BEST3: variants seen among roughly 807,000 people sequenced by gnomAD.
BEST3 encodes bestrophin-3.
A neutral mutation model predicts 47.1 loss-of-function variants in BEST3; 50 were observed. The observed-to-expected ratio is 1.06, with a 90% CI of 0.85 to 1.34. The LOEUF is 1.34. BEST3 is among the 40% of genes most tolerant of loss of function. BEST3 has a pLI of 0.00. For missense variants in BEST3, 765 were observed against 817.0 expected (o/e 0.94, Z 0.78); for synonymous variants, 282 against 298.8 (o/e 0.94, Z 0.58).
intron 4 of BEST3, among the ~76,000 whole-genome samples, chr12:69,690,121 G>C (rs1885857886): frequency 6.6e-6 from 1 of 152,158 alleles, no homozygotes; most frequent in African/African-American, 2.4e-5. Context: ...TGGGACCCAG[G>C]AATATGCATT....
intron 4 of BEST3, chr12:69,689,382 A>G (rs1236138680): frequency 4.9e-6 from 2 of 404,102 alleles, no homozygotes; most frequent in Admixed American, 6.4e-5. Flanking sequence ...CTCCTGGCTT[A>G]GAGGATAGTG....
At chr12:69,655,901 G>T (rs1375012327) in intron 9 of BEST3, 88 bp from the exon 10 acceptor site, 4 of 1,492,808 alleles carry the variant, frequency 2.7e-6, no homozygotes, top group Admixed American at 2.3e-5. Flanking sequence ...GATGACTTTG[G>T]TATTTTTGCC....
At chr12:69,659,671 G>A (rs917857317) in intron 9 of BEST3, among the ~76,000 whole-genome samples, 11 of 151,472 alleles carry the variant, frequency 7.3e-5, no homozygotes, top group African/African-American at 1.9e-4. Context: ...GTTTGAAAGA[G>A]TATTTCCCAA....
intron 9 of BEST3, among the ~76,000 whole-genome samples, chr12:69,658,568 CA>C (rs758812732): frequency 6.6e-6 from 1 of 152,192 alleles, no homozygotes; most frequent in Non-Finnish European, 1.5e-5. Context: ...GAGCACTTAT[CA>C]TAAACAATTT....
chr12:69,646,915 C>T (rs1167095751), intron 9 of BEST3, among the ~76,000 whole-genome samples: 3 of 149,192 alleles, frequency 2.0e-5, no homozygotes, highest in African/African-American at 7.3e-5. Flanking sequence ...CCGCCACTTC[C>T]AGAAAGTTTT....
chr12:69,655,962 G>T, intron 9 of BEST3, 149 bp from the exon 10 acceptor site: 1 of 1,256,668 alleles, frequency 8.0e-7, no homozygotes, highest in South Asian at 1.7e-5. Context: ...TCTAGCAGAG[G>T]CTCACACACT....
intron 9 of BEST3, among the ~76,000 whole-genome samples, chr12:69,664,019 C>T (rs1256823257): frequency 6.6e-6 from 1 of 152,174 alleles, no homozygotes; most frequent in African/African-American, 2.4e-5. Flanking sequence ...GTGTAGATTA[C>T]TGGCCATGCA....
chr12:69,644,662 T>G (rs1408080968), intron 9 of BEST3, among the ~76,000 whole-genome samples: 2 of 152,214 alleles, frequency 1.3e-5, no homozygotes, highest in Admixed American at 6.5e-5. Context: ...CTAGCTTATT[T>G]GATAGGACAG....
At chr12:69,655,915 T>C (rs1428135037) in intron 9 of BEST3, 102 bp from the exon 10 acceptor site, 4 of 1,473,472 alleles carry the variant, frequency 2.7e-6, no homozygotes, top group Non-Finnish European at 3.6e-6. Flanking sequence ...TTTTGCCTTA[T>C]AGATTTTTTA....
intron 1 of BEST3, among the ~76,000 whole-genome samples, chr12:69,698,051 C>T (rs1886198835): frequency 6.6e-6 from 1 of 152,126 alleles, no homozygotes; most frequent in African/African-American, 2.4e-5. Context: ...CTTGCCTTAA[C>T]TGTTAAATAT....
At chr12:69,680,929 A>G (rs951871663) in intron 4 of BEST3, among the ~76,000 whole-genome samples, 31 of 135,306 alleles carry the variant, frequency 2.3e-4, no homozygotes, top group Non-Finnish European at 4.4e-4. Context: ...CTCTCTATAT[A>G]TTAACATTAA....
In BEST3 at chr12:69,694,248, T is replaced by C. The variant is rs1198364284; in HGVS notation, c.247+122A>G. The C allele has an allele frequency of 4.7e-6, 3 of 634,660 alleles. No homozygotes were observed. In the African/African-American group the frequency reaches 5.6e-5, roughly 12 times the overall value. 39.3% of individuals were successfully genotyped at this position (634,660 alleles called of 1,614,324 possible). A position where few individuals can be genotyped will look rare whatever the true frequency, so the allele number is the denominator to read the frequency against. On this transcript the variant is annotated intron_variant, in intron 3 of 9. Transcript: ENST00000330891. ...CAAACCTTATGGATGATTCTGGTTC[T>C]ATTGCAAGCGGTGGCTTTTCAGGCA...
chr12:69,680,889 A>G (rs1885217306), intron 4 of BEST3, among the ~76,000 whole-genome samples: 1 of 152,180 alleles, frequency 6.6e-6, no homozygotes, highest in Non-Finnish European at 1.5e-5. Flanking sequence ...ATTAATATAT[A>G]GAGAGCAGCA....
intron 9 of BEST3, among the ~76,000 whole-genome samples, chr12:69,645,971 C>G (rs1374198724): frequency 6.6e-6 from 1 of 152,188 alleles, no homozygotes; most frequent in African/African-American, 2.4e-5. Context: ...GAGTCTCGCT[C>G]TGTCACCCAG....
chr12:69,680,311 T>TTCTTC (rs368224150), intron 4 of BEST3, among the ~76,000 whole-genome samples: 43,222 of 75,376 alleles, frequency 0.57, 8,377 homozygotes, highest in East Asian at 0.68. Context: ...ACACTTGATC[T>TTCTTC]TTTTTTTTTT....
At chr12:69,697,604 C>A in intron 2 of BEST3, 43 bp downstream of exon 2, 2 of 1,469,868 alleles carry the variant, frequency 1.4e-6, no homozygotes, top group South Asian at 1.4e-5. Flanking sequence ...GTATCTTACA[C>A]AATATCTGAT....
chr12:69,693,673 C>T lies in BEST3; in HGVS notation c.481+1G>A. ...ATGGAAGGAAAAGCCATTCATAGTA[C>T]CTGCTTCAACCACGTGGTCCATTGT... On this transcript the variant is annotated splice_donor_variant, in intron 4 of 9. Coordinates refer to ENST00000330891, the MANE Select transcript of BEST3 (RefSeq NM_032735.3). LOFTEE classifies it high-confidence loss of function. 1 of 1,603,702 alleles carries T rather than the reference C, an allele frequency of 6.2e-7. No homozygotes were observed. The highest frequency in any genetic ancestry group is 8.5e-7 in the Non-Finnish European group (1 of 1,171,194).
chr12:69,691,663 G>A (rs1885929552), intron 4 of BEST3, among the ~76,000 whole-genome samples: 1 of 152,104 alleles, frequency 6.6e-6, no homozygotes, highest in Non-Finnish European at 1.5e-5. Flanking sequence ...GTGGTGGTGT[G>A]CGCCTGTAGT....
In BEST3 at chr12:69,653,879, T is replaced by G. The variant is rs1439723490; in HGVS notation, c.*1028A>C. 3.0e-6 allele frequency: 3 copies of G among 985,336 alleles called. No individual in the cohort carries two copies. Among genetic ancestry groups the G allele is most frequent in the African/African-American group, 3.5e-5 (2 of 57,238 alleles). The allele number at this position is 985,336 out of a possible 1,614,324, so 61.0% of individuals were successfully genotyped here. A position where few individuals can be genotyped will look rare whatever the true frequency, so the allele number is the denominator to read the frequency against. The stretch of plus-strand genomic sequence containing the variant: ...TCCCGTGTTGCGACACGATTAGGAT[T>G]TTTGCATAAGAGTTCAAGTTAAACA... On this transcript the variant is annotated 3_prime_UTR_variant, in exon 10 of 10. Coordinates refer to ENST00000330891, the MANE Select transcript of BEST3 (RefSeq NM_032735.3).
Sources: gnomAD v4.1 joint callset for allele counts (sites outside exome capture counted in the v4.1 genomes callset) on GRCh38, gnomAD v4.1.1 for gene constraint, MANE v1.5 for transcripts, NCBI Gene and HGNC (gene_info 2026-07-23, HGNC 2026-07-21) for gene names.